VPS13B: variants seen among roughly 807,000 people sequenced by gnomAD.
VPS13B encodes vacuolar protein sorting 13 homolog B.
Under a neutral mutation model 426.4 loss-of-function variants are expected in VPS13B, and 285 were observed. The ratio of observed to expected loss-of-function variants is 0.67; its 90% confidence interval spans 0.61 to 0.74. The LOEUF (loss-of-function observed/expected upper bound fraction) is 0.74, where lower values mean the gene tolerates loss of function less well. Ranked by LOEUF, VPS13B falls within the 30% of genes least tolerant of loss-of-function variation. The pLI, the probability that VPS13B is intolerant of heterozygous loss-of-function variation, is 0.00. For synonymous variants in VPS13B, 1,676 were observed against 1,676.4 expected, an observed-to-expected ratio of 1.00 and a Z score of 0.01; for missense variants, 4,537 against 4,782.6, an observed-to-expected ratio of 0.95 and a Z score of 1.51.
intron 24 of VPS13B, among the ~76,000 whole-genome samples, chr8:99,471,862 G>T (rs1206989630): frequency 2.0e-5 from 3 of 152,178 alleles, no homozygotes; most frequent in Non-Finnish European, 2.9e-5. Flanking sequence ...CACAGAGAAA[G>T]TTCACAAATT....
intron 3 of VPS13B, among the ~76,000 whole-genome samples, chr8:99,088,993 T>C (rs1845995707): frequency 6.6e-6 from 1 of 152,202 alleles, no homozygotes. Flanking sequence ...TTTTCTTTTC[T>C]CAGGATAAGG....
chr8:99,317,633 A>G (rs944308213), intron 19 of VPS13B, among the ~76,000 whole-genome samples: 6 of 152,112 alleles, frequency 3.9e-5, no homozygotes, highest in Non-Finnish European at 1.5e-5. Flanking sequence ...ATTTGAAGTG[A>G]TAACTTCTAA....
At chr8:99,478,442 GTTTTGTTTTTTTTTTTTTTTTTTGTT>G (rs1819820948) in intron 24 of VPS13B, among the ~76,000 whole-genome samples, 4 of 43,518 alleles carry the variant, frequency 9.2e-5, no homozygotes, top group African/African-American at 3.4e-4. Flanking sequence ...TTGTTTTTTT[GTTTTGTTTTTTTTTTTTTTTTTTGTT>G]TTTTGTTTTT....
chr8:99,693,816 T>G (rs1452894751), intron 35 of VPS13B, among the ~76,000 whole-genome samples: 1 of 150,336 alleles, frequency 6.7e-6, no homozygotes, highest in Non-Finnish European at 1.5e-5. Flanking sequence ...CAGCCCCAAA[T>G]CTCCTTAAGC....
intron 27 of VPS13B, 118 bp from the exon 28 acceptor site, chr8:99,507,019 A>T: frequency 9.7e-7 from 1 of 1,034,576 alleles, no homozygotes; most frequent in Non-Finnish European, 1.5e-6. Context: ...TGTCAGATTT[A>T]TGTTTTAGTT....
intron 33 of VPS13B, among the ~76,000 whole-genome samples, chr8:99,582,488 C>T (rs1826111245): frequency 6.6e-6 from 1 of 152,302 alleles, no homozygotes; most frequent in Admixed American, 6.5e-5. Context: ...TTCCTTTCTA[C>T]ACTTCCATCT....
At chr8:99,227,904 A>G (rs921370509) in intron 17 of VPS13B, among the ~76,000 whole-genome samples, 5 of 152,166 alleles carry the variant, frequency 3.3e-5, no homozygotes, top group Non-Finnish European at 7.4e-5. Context: ...AAGTTGTAAC[A>G]CTATGCTGCT....
Position 99,817,962 on chromosome 8 carries a change from C to G in VPS13B, c.8361+159C>G, listed in dbSNP as rs139629019. On this transcript the variant is annotated intron_variant, in intron 45 of 61. Coordinates refer to ENST00000357162, the MANE Select transcript of VPS13B (RefSeq NM_152564.5). ...ACTTCTCAAACTGTTTCCTCCCCATCCCACGACAATACATTTGTATCAGTT... is the reference window on the plus strand; with the variant it reads ...ACTTCTCAAACTGTTTCCTCCCCATGCCACGACAATACATTTGTATCAGTT... Among the ~76,000 whole-genome samples the G allele has an allele frequency of 3.9e-4, 60 of 152,312 alleles. 1 individual carries two copies. The highest frequency in any genetic ancestry group is 1.2e-3 in the South Asian group (6 of 4,826).
intron 19 of VPS13B, among the ~76,000 whole-genome samples, chr8:99,363,025 A>T (rs147804049): frequency 1.3e-5 from 2 of 152,178 alleles, no homozygotes; most frequent in East Asian, 3.9e-4. Flanking sequence ...ACTTGATGTG[A>T]CCCCCTTTGT....
chr8:99,661,673 T>C (rs944701566), intron 35 of VPS13B, among the ~76,000 whole-genome samples, 182 bp downstream of exon 35: 1 of 152,168 alleles, frequency 6.6e-6, no homozygotes, highest in African/African-American at 2.4e-5. Flanking sequence ...AAATATGCAT[T>C]AAGAATTACC....
intron 19 of VPS13B, among the ~76,000 whole-genome samples, chr8:99,318,488 A>G (rs1809790605): frequency 6.6e-6 from 1 of 152,172 alleles, no homozygotes; most frequent in South Asian, 2.1e-4. Flanking sequence ...ATAAGAAAAT[A>G]TCCTGTCATT....
At chr8:99,280,582 GATAA>G (rs1365778688) in intron 19 of VPS13B, among the ~76,000 whole-genome samples, 6 of 152,258 alleles carry the variant, frequency 3.9e-5, no homozygotes, top group African/African-American at 1.4e-4. Flanking sequence ...AAATTTGACA[GATAA>G]ATAATCAGTT....
At chr8:99,315,573 C>T (rs1809596709) in intron 19 of VPS13B, among the ~76,000 whole-genome samples, 1 of 149,502 alleles carries the variant, frequency 6.7e-6, no homozygotes, top group South Asian at 2.1e-4. Flanking sequence ...TATGTGTGTT[C>T]TCTTATATCT....
chr8:99,804,773 A>T (rs1180185112), intron 43 of VPS13B, among the ~76,000 whole-genome samples: 1 of 152,068 alleles, frequency 6.6e-6, no homozygotes, highest in African/African-American at 2.4e-5. Flanking sequence ...GGAAGAATTG[A>T]TTGAGGCCAG....
At chr8:99,222,629 G>A (rs551382064) in intron 17 of VPS13B, among the ~76,000 whole-genome samples, 2 of 152,118 alleles carry the variant, frequency 1.3e-5, no homozygotes, top group Non-Finnish European at 2.9e-5. Flanking sequence ...TTAAAAACTC[G>A]AACAGGATGA....
chr8:99,668,403 G>A (rs1239070197), intron 35 of VPS13B, among the ~76,000 whole-genome samples: 2 of 151,250 alleles, frequency 1.3e-5, no homozygotes, highest in Non-Finnish European at 2.9e-5. Flanking sequence ...AGGGAATACT[G>A]ATTATAACTG....
intron 33 of VPS13B, among the ~76,000 whole-genome samples, chr8:99,601,052 A>C (rs1311159879): frequency 6.6e-6 from 1 of 152,026 alleles, no homozygotes; most frequent in Non-Finnish European, 1.5e-5. Flanking sequence ...CAGAACGTAC[A>C]GGTTTGTAAC....
chr8:99,629,460 A>G (rs905314696), intron 33 of VPS13B, among the ~76,000 whole-genome samples: 2 of 152,206 alleles, frequency 1.3e-5, no homozygotes, highest in Admixed American at 6.5e-5. Context: ...ATTGCAGTAT[A>G]TATACTAAGT....
chr8:99,340,278 AGTT>A (rs1811170104), intron 19 of VPS13B: 1 of 245,306 alleles, frequency 4.1e-6, no homozygotes, highest in African/African-American at 2.3e-5. Flanking sequence ...TAGATGGAGG[AGTT>A]GTTGTTACAG....
Sources: gnomAD v4.1 joint callset for allele counts (sites outside exome capture counted in the v4.1 genomes callset) on GRCh38, gnomAD v4.1.1 for gene constraint, MANE v1.5 for transcripts, NCBI Gene and HGNC (gene_info 2026-07-23, HGNC 2026-07-21) for gene names.